Variants in MTHFD2L observed in about 807,000 individuals in gnomAD.
MTHFD2L encodes methylenetetrahydrofolate dehydrogenase (NADP+ dependent) 2 like, also known as bifunctional methylenetetrahydrofolate dehydrogenase/cyclohydrolase 2, mitochondrial.
Under a neutral mutation model 34.9 loss-of-function variants are expected in MTHFD2L, and 29 were observed. The ratio of observed to expected loss-of-function variants is 0.83; its 90% CI spans 0.62 to 1.13. The LOEUF (loss-of-function observed/expected upper bound fraction) is 1.13, where lower values mean the gene tolerates loss of function less well. Among genes scored for constraint, MTHFD2L ranks in the 50% most tolerant of loss-of-function variants. The pLI, the probability that MTHFD2L is intolerant of heterozygous loss-of-function variation, is 0.00. For synonymous variants in MTHFD2L, 167 were observed against 155.7 expected, an observed-to-expected ratio of 1.07 and a Z score of -0.54; for missense variants, 481 against 446.5, an observed-to-expected ratio of 1.08 and a Z score of -0.70.
intron 6 of MTHFD2L, among the ~76,000 whole-genome samples, chr4:74,261,609 T>G (rs1744689639): frequency 6.6e-6 from 1 of 152,090 alleles, no homozygotes; most frequent in Non-Finnish European, 1.5e-5. Context: ...GAAAGATTTA[T>G]TCCACAAAAG....
At chr4:74,233,464 A>G (rs575502317) in intron 6 of MTHFD2L, among the ~76,000 whole-genome samples, 1 of 152,222 alleles carries the variant, frequency 6.6e-6, no homozygotes, top group East Asian at 1.9e-4. Context: ...TGTCATGAGA[A>G]TTACATCCTT....
At chr4:74,290,998 CTTTTCTT>C (rs1748834489) in intron 7 of MTHFD2L, among the ~76,000 whole-genome samples, 3 of 46,154 alleles carry the variant, frequency 6.5e-5, no homozygotes, top group African/African-American at 1.3e-4. Context: ...TTTATTTTTC[CTTTTCTT>C]TTTTTTTTTT....
chr4:74,184,831 GAATTA>G (rs746802366), intron 3 of MTHFD2L, among the ~76,000 whole-genome samples: 2 of 152,092 alleles, frequency 1.3e-5, no homozygotes, highest in African/African-American at 2.4e-5. Context: ...GACCACAATG[GAATTA>G]AATTAAAAAT....
At chr4:74,261,869 G>T (rs950112678) in intron 6 of MTHFD2L, among the ~76,000 whole-genome samples, 1 of 151,836 alleles carries the variant, frequency 6.6e-6, no homozygotes, top group Non-Finnish European at 1.5e-5. Context: ...TCCGAAGTAG[G>T]GATAATAACA....
chr4:74,228,425 G>T (rs997770249), intron 6 of MTHFD2L, among the ~76,000 whole-genome samples: 2 of 152,192 alleles, frequency 1.3e-5, no homozygotes, highest in African/African-American at 2.4e-5. Flanking sequence ...AATGTTAACA[G>T]CTTGTACAGA....
intron 6 of MTHFD2L, among the ~76,000 whole-genome samples, chr4:74,236,207 T>C (rs1030204309): frequency 1.4e-4 from 21 of 152,204 alleles, no homozygotes; most frequent in Admixed American, 2.0e-4. Context: ...CAGCCTATTA[T>C]ATCTTCACAG....
chr4:74,157,995 C>T (rs1724479701), upstream of MTHFD2L: 10 of 1,267,694 alleles, frequency 7.9e-6, no homozygotes, highest in Admixed American at 2.0e-5. Flanking sequence ...CTCTTTACCC[C>T]ACTCTGCGTG....
chr4:74,146,531 A>G (rs1385305535), intron 1 of MTHFD2L, among the ~76,000 whole-genome samples: 1 of 152,210 alleles, frequency 6.6e-6, no homozygotes, highest in Non-Finnish European at 1.5e-5. Context: ...TCTTCCCAAG[A>G]ACCTGGGAGC....
intron 7 of MTHFD2L, among the ~76,000 whole-genome samples, chr4:74,295,480 C>A (rs1749516499): frequency 6.6e-6 from 1 of 152,124 alleles, no homozygotes; most frequent in South Asian, 2.1e-4. Flanking sequence ...TAGTGAATCT[C>A]AATTTACTTT....
At chr4:74,253,552 A>G (rs1477926693) in intron 6 of MTHFD2L, among the ~76,000 whole-genome samples, 2 of 152,104 alleles carry the variant, frequency 1.3e-5, no homozygotes, top group African/African-American at 4.8e-5. Context: ...GGGAGAGTGA[A>G]GTGAGCCCTC....
At chr4:74,166,668 A>G (rs1479530112) in intron 1 of MTHFD2L, among the ~76,000 whole-genome samples, 1 of 151,822 alleles carries the variant, frequency 6.6e-6, no homozygotes, top group African/African-American at 2.4e-5. Context: ...GCCCCCACAG[A>G]CACAGCTTGT....
intron 6 of MTHFD2L, among the ~76,000 whole-genome samples, chr4:74,239,281 A>G (rs1741333352): frequency 6.6e-6 from 1 of 152,074 alleles, no homozygotes; most frequent in African/African-American, 2.4e-5. Context: ...TGGGAACTGA[A>G]CAATGAGAAC....
At chr4:74,124,726 T>C (rs901370057), upstream of MTHFD2L, among the ~76,000 whole-genome samples, 4 of 152,124 alleles carry the variant, frequency 2.6e-5, no homozygotes, top group South Asian at 8.3e-4. Flanking sequence ...ACTGCTTCCA[T>C]TGTGCCAAGT....
chr4:74,247,460 A>G (rs1742642588), intron 6 of MTHFD2L, among the ~76,000 whole-genome samples: 1 of 152,032 alleles, frequency 6.6e-6, no homozygotes, highest in African/African-American at 2.4e-5. Context: ...TCCTAATTGA[A>G]TGCCCTTTAT....
At chr4:74,296,062 A>G (rs1422789022) in intron 7 of MTHFD2L, among the ~76,000 whole-genome samples, 1 of 152,146 alleles carries the variant, frequency 6.6e-6, no homozygotes, top group Non-Finnish European at 1.5e-5. Flanking sequence ...TCCATGAGGC[A>G]GTATCTATGT....
intron 1 of MTHFD2L, among the ~76,000 whole-genome samples, chr4:74,129,017 G>C (rs1722277786): frequency 6.6e-6 from 1 of 151,966 alleles, no homozygotes; most frequent in Non-Finnish European, 1.5e-5. Context: ...GATTTTCTCT[G>C]ACAGTAAGCT....
chr4:74,209,659 G>A (rs1735965824), intron 5 of MTHFD2L, among the ~76,000 whole-genome samples: 1 of 152,150 alleles, frequency 6.6e-6, no homozygotes, highest in Admixed American at 6.5e-5. Flanking sequence ...AAACATATGT[G>A]TGCATGTGTC....
intron 6 of MTHFD2L, among the ~76,000 whole-genome samples, chr4:74,231,780 T>A (rs938494252): frequency 1.3e-5 from 2 of 152,210 alleles, no homozygotes; most frequent in Admixed American, 1.3e-4. Flanking sequence ...TAGCGATGTC[T>A]ACTTTATATT....
chr4:74,120,504 C>T (rs543549595), upstream of MTHFD2L, among the ~76,000 whole-genome samples: 4 of 152,146 alleles, frequency 2.6e-5, no homozygotes, highest in Admixed American at 1.3e-4. Flanking sequence ...TATGCATGGA[C>T]GGACCGACTG....
Sources: gnomAD v4.1 joint callset for allele counts (sites outside exome capture counted in the v4.1 genomes callset) on GRCh38, gnomAD v4.1.1 for gene constraint, MANE v1.5 for transcripts, NCBI Gene and HGNC (gene_info 2026-07-23, HGNC 2026-07-21) for gene names.